Variants in ITGA9 observed in about 807,000 individuals in gnomAD.
The protein encoded by ITGA9 is integrin alpha-9.
In ITGA9, 56 loss-of-function variants were observed where a neutral mutation model predicts 127.8. That is an observed-to-expected ratio of 0.44 (90% confidence interval 0.35 to 0.55). The LOEUF (loss-of-function observed/expected upper bound fraction) is 0.55. Ranked by LOEUF, ITGA9 falls within the 20% of genes least tolerant of loss-of-function variation. The pLI is 0.00. For synonymous variants in ITGA9, 508 were observed against 514.5 expected, an observed-to-expected ratio of 0.99 and a Z score of 0.17; for missense variants, 1,196 against 1,347.1, an observed-to-expected ratio of 0.89 and a Z score of 1.76.
chr3:37,700,434 A>G (rs542671121), intron 18 of ITGA9, among the ~76,000 whole-genome samples: 1 of 152,054 alleles, frequency 6.6e-6, no homozygotes, highest in East Asian at 1.9e-4. Context: ...GCTCACTGCA[A>G]CCTCCACCTC....
intron 17 of ITGA9, among the ~76,000 whole-genome samples, chr3:37,670,431 A>G (rs572511407): frequency 8.5e-5 from 13 of 152,272 alleles, no homozygotes; most frequent in Admixed American, 2.0e-4. Context: ...CCTGGAGTCT[A>G]TGTCCTCTTG....
Position 37,508,620 on chromosome 3 carries a change from G to C in ITGA9, c.890G>C (p.Gly297Ala). 1 of 1,612,672 alleles carries C rather than the reference G, an allele frequency of 6.2e-7. No homozygotes were observed. The highest frequency in any genetic ancestry group is 1.3e-5 in the African/African-American group (1 of 74,974). Reference sequence around the variant, plus strand: ...TTAATTAAGATCTTTCAAGCATCAGGTAAAAAGGTGAGGTTCTTGGTATAA... The same window carrying C: ...TTAATTAAGATCTTTCAAGCATCAGCTAAAAAGGTGAGGTTCTTGGTATAA... The part of the protein sequence containing the change: ...GTLIKIFQAS[G>A]KKMGSYFGSS... The change falls in exon 8 of 28, where the codon GGT becomes GCT. Residue 297 changes from glycine (G) to alanine (A), a missense_variant. Gly to Ala is a moderately conservative substitution (Grantham distance 60). Transcript: ENST00000264741.
At chr3:37,748,342 A>G (rs1696533403) in intron 22 of ITGA9, 3 of 598,950 alleles carry the variant, frequency 5.0e-6, no homozygotes, top group Non-Finnish European at 3.2e-6. Flanking sequence ...TGTTATAAAC[A>G]CACAAGTTAA....
intron 20 of ITGA9, among the ~76,000 whole-genome samples, chr3:37,740,401 A>C (rs546614705): frequency 1.4e-4 from 22 of 152,246 alleles, no homozygotes; most frequent in Admixed American, 5.2e-4. Flanking sequence ...AATAATGATC[A>C]CAATTCCTAT....
intron 16 of ITGA9, among the ~76,000 whole-genome samples, chr3:37,638,477 C>T (rs1314346845): frequency 6.9e-6 from 1 of 145,904 alleles, no homozygotes; most frequent in South Asian, 2.2e-4. Flanking sequence ...AAAAGATAAT[C>T]TTCCAGATGT....
At chr3:37,616,534 C>G (rs1164234977) in intron 15 of ITGA9, among the ~76,000 whole-genome samples, 1 of 152,166 alleles carries the variant, frequency 6.6e-6, no homozygotes, top group African/African-American at 2.4e-5. Context: ...AACTTTCTGT[C>G]TCGTTGATCT....
In ITGA9 at chr3:37,629,225, A is replaced by G; in HGVS notation, c.1728A>G (p.Glu576=). Residue 576 remains glutamate (E), a synonymous_variant, in exon 16 of 28, where the codon GAA becomes GAG. Coordinates refer to ENST00000264741, the MANE Select transcript of ITGA9 (RefSeq NM_002207.3). The surrounding 1 kb of genome is among the most constrained non-coding windows in gnomAD (Gnocchi z 4.5). ...VQDVISPIVF[E]AAYSLSEHVT... The stretch of plus-strand genomic sequence containing the variant: ...ACGTCATCAGCCCGATCGTGTTTGA[A>G]GCAGCCTACAGCCTCAGTGAGCATG... 6.2e-7 allele frequency: 1 copy of G among 1,613,606 alleles called. No homozygotes were observed. The highest frequency in any genetic ancestry group is 1.3e-5 in the African/African-American group (1 of 75,016).
chr3:37,653,825 G>A (rs1700451661), intron 17 of ITGA9, 35 bp downstream of exon 17: 1 of 1,542,736 alleles, frequency 6.5e-7, no homozygotes, highest in Admixed American at 1.7e-5. Context: ...ATTGTTCTCA[G>A]GCTCCTTTTT....
chr3:37,533,133 C>A (rs1452707222), intron 13 of ITGA9, among the ~76,000 whole-genome samples, 181 bp from the exon 14 acceptor site: 1 of 152,104 alleles, frequency 6.6e-6, no homozygotes, highest in East Asian at 1.9e-4. Context: ...GGCAATATGC[C>A]CCTTCTAAAA....
At chr3:37,689,493 C>T (rs987624789) in intron 18 of ITGA9, among the ~76,000 whole-genome samples, 2 of 152,210 alleles carry the variant, frequency 1.3e-5, no homozygotes, top group Non-Finnish European at 2.9e-5. Context: ...CCCAGTGCAC[C>T]GTGTTGCCTG....
At chr3:37,787,261 C>T (rs1424944434) in intron 26 of ITGA9, among the ~76,000 whole-genome samples, 1 of 150,580 alleles carries the variant, frequency 6.6e-6, no homozygotes, top group Non-Finnish European at 1.5e-5. Context: ...AACAGGTTTT[C>T]TACACGTAGA....
chr3:37,801,333 G>A (rs946806066), intron 26 of ITGA9, among the ~76,000 whole-genome samples: 1 of 152,138 alleles, frequency 6.6e-6, no homozygotes, highest in African/African-American at 2.4e-5. Flanking sequence ...GGAGCTTCTA[G>A]GGAGCCGGTC....
At chr3:37,591,201 T>A (rs1433311667) in intron 15 of ITGA9, among the ~76,000 whole-genome samples, 2 of 152,210 alleles carry the variant, frequency 1.3e-5, no homozygotes, top group East Asian at 3.8e-4. Context: ...CCTCATTTTT[T>A]CCCCACCTCC....
chr3:37,689,714 G>A (rs1700813501), intron 18 of ITGA9, among the ~76,000 whole-genome samples: 1 of 152,222 alleles, frequency 6.6e-6, no homozygotes, highest in Admixed American at 6.5e-5. Flanking sequence ...TGTGAGTGGT[G>A]TCCCTGGAGA....
intron 18 of ITGA9, among the ~76,000 whole-genome samples, chr3:37,711,837 C>T (rs1302029416): frequency 6.6e-6 from 1 of 152,152 alleles, no homozygotes; most frequent in Non-Finnish European, 1.5e-5. Context: ...TACCTGGCAC[C>T]CATTAAAAAC....
chr3:37,748,949 A>G, intron 22 of ITGA9: 1 of 644,664 alleles, frequency 1.6e-6, no homozygotes, highest in Non-Finnish European at 2.8e-6. Flanking sequence ...TAAAAAAAAA[A>G]AGAAAAAAGA....
At chr3:37,810,548 T>G (rs542329098) in intron 27 of ITGA9, among the ~76,000 whole-genome samples, 1 of 152,274 alleles carries the variant, frequency 6.6e-6, no homozygotes, top group East Asian at 1.9e-4. Flanking sequence ...CCTGTGTAGC[T>G]AGGATTATAG....
chr3:37,590,548 C>A (rs1050688547), intron 15 of ITGA9, among the ~76,000 whole-genome samples: 1 of 152,234 alleles, frequency 6.6e-6, no homozygotes, highest in African/African-American at 2.4e-5. Context: ...TAGCTACGGC[C>A]ACACCAGCCC....
intron 16 of ITGA9, among the ~76,000 whole-genome samples, chr3:37,639,561 T>A (rs1700312922): frequency 6.6e-6 from 1 of 152,074 alleles, no homozygotes; most frequent in Non-Finnish European, 1.5e-5. Flanking sequence ...GACTGGAGAT[T>A]CAGTCATGCA....
Sources: allele counts gnomAD v4.1 joint callset (sites outside exome capture counted in the v4.1 genomes callset), GRCh38; gene constraint gnomAD v4.1.1; non-coding constraint Gnocchi (gnomAD v3.1); transcripts MANE v1.5; gene names NCBI Gene and HGNC (gene_info 2026-07-23, HGNC 2026-07-21).